KIF4A: variants seen among roughly 807,000 people sequenced by gnomAD.
KIF4A encodes chromosome-associated kinesin KIF4A.
In KIF4A, 7 loss-of-function variants were observed where a neutral mutation model predicts 105.9. The ratio of observed to expected loss-of-function variants is 0.07; its 90% CI spans 0.04 to 0.12. The LOEUF is 0.12. Among genes scored for constraint, KIF4A ranks in the 10% least tolerant of loss-of-function variants. The probability of loss-of-function intolerance (pLI) is 1.00; values close to 1 mark genes in which losing one functional copy is unlikely to be tolerated. For synonymous variants in KIF4A, 281 were observed against 331.3 expected, an observed-to-expected ratio of 0.85 and a Z score of 1.65; for missense variants, 558 against 929.2, an observed-to-expected ratio of 0.60 and a Z score of 5.19.
At chrX:70,304,194 G>A (rs1261503197) in intron 7 of KIF4A, among the ~76,000 whole-genome samples, 1 of 98,674 alleles carries the variant, frequency 1.0e-5, no homozygotes, top group East Asian at 3.3e-4. Flanking sequence ...GTGGTGTTTG[G>A]TTTTTTGTCC....
At chrX:70,305,569 T>TA (rs1438102545) in intron 7 of KIF4A, among the ~76,000 whole-genome samples, 2 of 112,645 alleles carry the variant, frequency 1.8e-5, no homozygotes, top group Non-Finnish European at 3.8e-5. Flanking sequence ...TGTATGGAAA[T>TA]ACCATGTTTT....
intron 15 of KIF4A, among the ~76,000 whole-genome samples, chrX:70,371,205 T>A (rs2789638): frequency 1.9e-5 from 2 of 106,529 alleles, no homozygotes; most frequent in African/African-American, 6.8e-5. Context: ...GGTTTTCCAC[T>A]GTCAAACTTC....
Position 70,311,499 on chromosome X carries a change from C to T in KIF4A, c.778+9101C>T, listed in dbSNP as rs774037246. Among the ~76,000 whole-genome samples the T allele has an allele frequency of 2.7e-5, 3 of 111,851 alleles. No homozygotes were observed. In the South Asian group the frequency reaches 1.1e-3, roughly 42 times the overall value. On this transcript the variant is annotated intron_variant, in intron 7 of 30. Coordinates refer to ENST00000374403, the MANE Select transcript of KIF4A (RefSeq NM_012310.5). ...GAGGTCAGGATGGTATAATGAATGC[C>T]TCCCCCAATATACCTGTCATGAAGT...
intron 4 of KIF4A, among the ~76,000 whole-genome samples, chrX:70,298,421 C>T (rs915099326): frequency 3.7e-5 from 4 of 108,925 alleles, no homozygotes; most frequent in Non-Finnish European, 7.6e-5. Flanking sequence ...TTTGTAGAGA[C>T]AGGGTCTCAC....
intron 7 of KIF4A, among the ~76,000 whole-genome samples, chrX:70,325,239 T>G (rs2085906459): frequency 8.9e-6 from 1 of 111,986 alleles, no homozygotes; most frequent in African/African-American, 3.2e-5. Flanking sequence ...TAAGTCAATA[T>G]TAAAGCCATA....
intron 7 of KIF4A, among the ~76,000 whole-genome samples, chrX:70,313,916 G>C (rs931441707): frequency 9.8e-5 from 11 of 112,451 alleles, no homozygotes; most frequent in African/African-American, 3.5e-4. Context: ...TTCTCCAATA[G>C]AGTTGTGGGA....
chrX:70,340,299 AC>A (rs2085967569), intron 10 of KIF4A, among the ~76,000 whole-genome samples: 1 of 112,153 alleles, frequency 8.9e-6, no homozygotes, highest in Admixed American at 9.5e-5. Flanking sequence ...AGAAGAGTTA[AC>A]TATTATTAAT....
intron 7 of KIF4A, among the ~76,000 whole-genome samples, chrX:70,306,998 A>G (rs1016507704): frequency 1.1e-4 from 11 of 103,598 alleles, no homozygotes; most frequent in Non-Finnish European, 1.8e-4. Context: ...TTGATTTTTA[A>G]TTTTTTTTTG....
chrX:70,410,701 T>C (rs143823468), intron 28 of KIF4A, among the ~76,000 whole-genome samples: 131 of 111,860 alleles, frequency 1.2e-3, no homozygotes, highest in African/African-American at 4.1e-3. Flanking sequence ...AACAGGATTC[T>C]TACTCCTATG....
intron 15 of KIF4A, among the ~76,000 whole-genome samples, chrX:70,363,318 T>C (rs2086085177): frequency 9.0e-6 from 1 of 110,867 alleles, no homozygotes; most frequent in Non-Finnish European, 1.9e-5. Context: ...TATGTATACA[T>C]GTGCCATGTT....
chrX:70,397,297 G>T (rs1361553282), intron 22 of KIF4A, among the ~76,000 whole-genome samples: 1 of 111,788 alleles, frequency 8.9e-6, no homozygotes, highest in Non-Finnish European at 1.9e-5. Context: ...TTGAACCCAG[G>T]AGGCGGAGGT....
intron 18 of KIF4A, among the ~76,000 whole-genome samples, chrX:70,381,256 G>A (rs1393164783): frequency 1.8e-5 from 2 of 111,823 alleles, no homozygotes; most frequent in Non-Finnish European, 3.8e-5. Flanking sequence ...ACAATCCCAC[G>A]GCTGGGTGTG....
At chrX:70,352,343 G>A (rs140173156) in intron 13 of KIF4A, among the ~76,000 whole-genome samples, 1,847 of 111,554 alleles carry the variant, frequency 0.017, 36 homozygotes, top group African/African-American at 0.056. Flanking sequence ...CAGGGCAGGA[G>A]AAGTGCAAGA....
In KIF4A at chrX:70,317,902, G is replaced by A. The variant is rs757290262; in HGVS notation, c.779-11503G>A. On this transcript the variant is annotated intron_variant, in intron 7 of 30. Coordinates refer to ENST00000374403, the MANE Select transcript of KIF4A (RefSeq NM_012310.5). ...CTTTCTTTTTTTTTTTTTTGAGATG[G>A]AGTCTCACTCCATTGCCCAGGCTGG... Among the ~76,000 whole-genome samples, 240 of 98,050 alleles carry A rather than the reference G, an allele frequency of 2.4e-3. 1 individual carries two copies. The highest frequency in any genetic ancestry group is 6.0e-3 in the Middle Eastern group (1 of 167). The allele number at this position is 98,050 out of a possible 115,157, so 85.1% of individuals were successfully genotyped here.
At chrX:70,402,520 A>C in intron 22 of KIF4A, 46 bp from the exon 23 acceptor site, 1 of 1,187,715 alleles carries the variant, frequency 8.4e-7, no homozygotes, top group Non-Finnish European at 1.1e-6. Context: ...CCCCTTCTTG[A>C]TGTTCAGGCT....
At chrX:70,349,208 A>T (rs1328075398) in intron 13 of KIF4A, among the ~76,000 whole-genome samples, 4 of 98,247 alleles carry the variant, frequency 4.1e-5, no homozygotes, top group Non-Finnish European at 6.1e-5. Flanking sequence ...GCGGCCGGGC[A>T]GAGGCGCTCC....
At position 70,302,294 on chromosome X, in the gene KIF4A, A is replaced by G; in HGVS notation, c.684-10A>G. 8.3e-7 allele frequency: 1 copy of G among 1,209,140 alleles called. No individual in the cohort carries two copies. ...ACCATTCTCACTGTGTCTTCCTTTC[A>G]TTATCACAGGAATAGCAGCTTTCGC... On this transcript the variant is annotated splice_polypyrimidine_tract_variant and intron_variant, in intron 6 of 30. Transcript: ENST00000374403.
At chrX:70,384,795 A>G (rs1364552126) in intron 18 of KIF4A, among the ~76,000 whole-genome samples, 2 of 110,436 alleles carry the variant, frequency 1.8e-5, no homozygotes, top group Non-Finnish European at 3.8e-5. Context: ...GACAGAGAAT[A>G]TATAGAAAAA....
At chrX:70,304,321 T>C (rs2085817104) in intron 7 of KIF4A, among the ~76,000 whole-genome samples, 1 of 102,715 alleles carries the variant, frequency 9.7e-6, no homozygotes, top group South Asian at 4.9e-4. Context: ...TGCCACATTT[T>C]CTTAATCCAG....
Sources: gnomAD v4.1 joint callset for allele counts (sites outside exome capture counted in the v4.1 genomes callset) on GRCh38, gnomAD v4.1.1 for gene constraint, MANE v1.5 for transcripts, NCBI Gene and HGNC (gene_info 2026-07-23, HGNC 2026-07-21) for gene names.